PTPRS: variants seen among roughly 807,000 people sequenced by gnomAD.
PTPRS encodes receptor-type tyrosine-protein phosphatase S.
PTPRS carries 63 observed loss-of-function variants against 215.3 expected under a neutral mutation model. That is an observed-to-expected ratio of 0.29 (90% CI 0.24 to 0.36). The LOEUF (loss-of-function observed/expected upper bound fraction) is 0.36. PTPRS is among the 10% of genes least tolerant of loss of function. The pLI is 1.00. For synonymous variants in PTPRS, 1,404 were observed against 1,191.4 expected, an observed-to-expected ratio of 1.18 and a Z score of -3.68; for missense variants, 2,258 against 2,825.8, an observed-to-expected ratio of 0.80 and a Z score of 4.56.
intron 1 of PTPRS, among the ~76,000 whole-genome samples, chr19:5,298,045 C>T (rs868408962): frequency 1.5e-4 from 23 of 152,132 alleles, no homozygotes; most frequent in Non-Finnish European, 2.5e-4. Context: ...CCGCCCGCCT[C>T]GGCCTCCCAA....
At chr19:5,213,783 C>T (rs757433720) in intron 30 of PTPRS, among the ~76,000 whole-genome samples, 27 of 152,218 alleles carry the variant, frequency 1.8e-4, no homozygotes, top group Admixed American at 3.3e-4. Context: ...GGATACATCA[C>T]GGTGCCAGTA....
At chr19:5,251,076 C>T (rs572697367) in intron 9 of PTPRS, 56 of 129,660 alleles carry the variant, frequency 4.3e-4, no homozygotes, top group African/African-American at 1.9e-3. Flanking sequence ...GTGCAGCCTC[C>T]GGGGGGTTTA....
rs2040955578 is a variant in PTPRS at position 5,212,117 on chromosome 19, C to T, written c.4903G>A (p.Glu1635Lys). 2 of 1,614,130 alleles carry T rather than the reference C, an allele frequency of 1.2e-6. No homozygotes were observed. The highest frequency in any genetic ancestry group is 1.7e-6 in the Non-Finnish European group (2 of 1,180,054). ...RSQRNYMVQTEDQYSFIHEAL... is the reference protein window; with the variant it reads ...RSQRNYMVQTKDQYSFIHEAL... ...TCGTGGATGAAGCTGTACTGGTCCTCCGTCTGCACCATGTAGTTGCGCTGG... is the reference window on the plus strand; with the variant it reads ...TCGTGGATGAAGCTGTACTGGTCCTTCGTCTGCACCATGTAGTTGCGCTGG... The change falls in exon 32 of 38, where the codon GAG becomes AAG. Residue 1635 changes from glutamate to lysine, a missense_variant. Physicochemically the swap from Glu to Lys is moderately conservative, Grantham distance 56. Transcript: ENST00000262963.
intron 16 of PTPRS, among the ~76,000 whole-genome samples, chr19:5,228,100 G>A (rs549648479): frequency 1.3e-5 from 2 of 152,098 alleles, no homozygotes; most frequent in African/African-American, 4.8e-5. Context: ...TGAAGCCCAG[G>A]TGGGAACATT....
chr19:5,267,407 A>T (rs532193730), intron 4 of PTPRS, among the ~76,000 whole-genome samples: 13 of 152,278 alleles, frequency 8.5e-5, no homozygotes, highest in Admixed American at 5.9e-4. Flanking sequence ...CTGTAATCCC[A>T]GCACTTTGGG....
chr19:5,222,813 G>T lies in PTPRS; in HGVS notation c.2979C>A (p.Asn993Lys). 6.3e-7 allele frequency: 1 copy of T among 1,597,066 alleles called. No homozygotes were observed. The highest frequency in any genetic ancestry group is 1.3e-5 in the African/African-American group (1 of 74,788). The change falls in exon 18 of 38, where the codon AAC (asparagine) becomes AAA (lysine). Residue 993 changes from asparagine to lysine, a missense_variant. Asn to Lys is a moderately conservative substitution (Grantham distance 94). Transcript: ENST00000262963. Reference sequence around the variant, plus strand: ...GCTTCAGGCCCTGCAGCGTGAGCGCGTTCTCCGCGCCCGGCTCAGCCGCTG... The same window carrying T: ...GCTTCAGGCCCTGCAGCGTGAGCGCTTTCTCCGCGCCCGGCTCAGCCGCTG... Reference protein sequence around the residue: ...LPAAAEPGAENALTLQGLKPD... With the variant: ...LPAAAEPGAEKALTLQGLKPD...
rs1038862962 is a variant in PTPRS at position 5,229,556 on chromosome 19, G to T, written c.2284C>A (p.Arg762Ser). The change falls in exon 15 of 38, where the codon CGC becomes AGC. Residue 762 changes from arginine (R) to serine (S), a missense_variant. Arg to Ser is a moderately radical substitution (Grantham distance 110). This residue lies in a region of PTPRS where 371 missense variants were observed against 446.7 expected (regional missense o/e 0.83). Transcript: ENST00000262963. ...CCGCGGGCCTCGGCGCCCTCCATGCGCACGTAGTGGACCTGGTAGCCGCGG... is the reference window on the plus strand; with the variant it reads ...CCGCGGGCCTCGGCGCCCTCCATGCTCACGTAGTGGACCTGGTAGCCGCGG... ...QIRGYQVHYV[R>S]MEGAEARGPP... 2.7e-6 allele frequency: 4 copies of T among 1,465,368 alleles called. No homozygotes were observed. Among genetic ancestry groups the T allele is most frequent in the Non-Finnish European group, 2.7e-6 (3 of 1,110,572 alleles). 90.8% of individuals were successfully genotyped at this position (1,465,368 alleles called of 1,614,324 possible). A position where few individuals can be genotyped will look rare whatever the true frequency, so the allele number is the denominator to read the frequency against.
In PTPRS at chr19:5,244,679, CTTTTT is replaced by C. The variant is rs1599655753; in HGVS notation, c.989-202_989-198del. The stretch of plus-strand genomic sequence containing the variant: ...CCAGGGTCCACCCAGTACCCATTTT[CTTTTT>C]TTAATTTTTCTTTGAGATGGAGTCT... On this transcript the variant is annotated intron_variant, in intron 10 of 37. Transcript: ENST00000262963. The surrounding 1 kb of genome is among the most constrained non-coding windows in gnomAD (Gnocchi z 7.2). Among the ~76,000 whole-genome samples the C allele has an allele frequency of 2.0e-5, 3 of 152,230 alleles. No homozygotes were observed. The South Asian group carries it at 6.2e-4, about 32-fold the overall frequency.
chr19:5,269,898 G>A (rs2046755955), intron 4 of PTPRS, among the ~76,000 whole-genome samples: 2 of 112,092 alleles, frequency 1.8e-5, no homozygotes, highest in South Asian at 5.8e-4. Flanking sequence ...TCCAGCCTGG[G>A]TAACAAGAGC....
At chr19:5,336,733 C>T (rs2050513516) in intron 1 of PTPRS, among the ~76,000 whole-genome samples, 3 of 151,632 alleles carry the variant, frequency 2.0e-5, no homozygotes, top group Admixed American at 2.0e-4. Flanking sequence ...GTCTTAATCT[C>T]CTCTCCTCCT....
intron 11 of PTPRS, among the ~76,000 whole-genome samples, chr19:5,242,627 C>T (rs141538894): frequency 0.03 from 4,621 of 152,088 alleles, 111 homozygotes; most frequent in Admixed American, 0.071. Flanking sequence ...GATCCACCCG[C>T]CTCAGCCTCC....
chr19:5,311,867 C>A (rs983486043), intron 1 of PTPRS, among the ~76,000 whole-genome samples: 1 of 151,928 alleles, frequency 6.6e-6, no homozygotes, highest in East Asian at 1.9e-4. Context: ...GGTGAAACCC[C>A]GTCTCTACTA....
chr19:5,248,459 C>G (rs1599682647), intron 9 of PTPRS, among the ~76,000 whole-genome samples: 1 of 151,986 alleles, frequency 6.6e-6, no homozygotes, highest in African/African-American at 2.4e-5. Flanking sequence ...ACTGTGGCTT[C>G]CCCAGGGAGA....
rs900510540 is a variant in PTPRS at position 5,267,903 on chromosome 19, G to C, written c.380-2707C>G. ...AAGTTTTATCAGCCGGGCACAGTGG[G>C]TCACGCCTATAATCCCAGCACTTTG... On this transcript the variant is annotated intron_variant, in intron 4 of 37. Transcript: ENST00000262963. 1.4e-4 allele frequency among the ~76,000 whole-genome samples: 22 copies of C among 151,862 alleles called. No homozygotes were observed. The South Asian group carries it at 1.5e-3, about 10-fold the overall frequency.
chr19:5,340,746 G>A lies in PTPRS; in HGVS notation c.-177C>T, dbSNP rs1440966606. On this transcript the variant is annotated 5_prime_UTR_variant, in exon 1 of 38. Coordinates refer to ENST00000262963, the MANE Select transcript of PTPRS (RefSeq NM_002850.4). ...TGCATGGGATCCGAGCGGAGCCCGA[G>A]CGCCAGCGGCTCGCGGCGTGCGCGC... The A allele has an allele frequency of 6.7e-6, 1 of 150,126 alleles. No homozygotes were observed. The highest frequency in any genetic ancestry group is 1.5e-5 in the Non-Finnish European group (1 of 67,436). 9.3% of individuals were successfully genotyped at this position (150,126 alleles called of 1,614,324 possible).
At chr19:5,316,334 C>T (rs1421100148) in intron 1 of PTPRS, among the ~76,000 whole-genome samples, 1 of 152,176 alleles carries the variant, frequency 6.6e-6, no homozygotes. Context: ...TCCTGTGTCC[C>T]GAGTCCAGCT....
At chr19:5,334,692 A>G (rs969232426) in intron 1 of PTPRS, among the ~76,000 whole-genome samples, 2 of 152,152 alleles carry the variant, frequency 1.3e-5, no homozygotes, top group Non-Finnish European at 2.9e-5. Flanking sequence ...CCAAACAAAC[A>G]TCCCTGACAA....
chr19:5,337,372 A>T (rs182350899), intron 1 of PTPRS, among the ~76,000 whole-genome samples: 9 of 152,260 alleles, frequency 5.9e-5, no homozygotes, highest in Non-Finnish European at 1.0e-4. Context: ...CTCGGGTAGA[A>T]ATGCCACGTC....
At chr19:5,247,571 A>G (rs976419997) in intron 9 of PTPRS, among the ~76,000 whole-genome samples, 1 of 152,064 alleles carries the variant, frequency 6.6e-6, no homozygotes, top group African/African-American at 2.4e-5. Flanking sequence ...CCAGCTTTGG[A>G]TGGGTGAAGG....
Sources: gnomAD v4.1 joint callset for allele counts (sites outside exome capture counted in the v4.1 genomes callset) on GRCh38, gnomAD v4.1.1 for gene constraint, gnomAD v4.1.1 regional missense constraint, Gnocchi (gnomAD v3.1) non-coding constraint, MANE v1.5 for transcripts, NCBI Gene and HGNC (gene_info 2026-07-23, HGNC 2026-07-21) for gene names.